TMPRSS4: variants seen among roughly 807,000 people sequenced by gnomAD.
TMPRSS4 encodes the protein transmembrane serine protease 4, also known as transmembrane protease serine 4.
A neutral mutation model predicts 56.4 loss-of-function variants in TMPRSS4; 45 were observed. The ratio of observed to expected loss-of-function variants is 0.80; its 90% CI spans 0.63 to 1.02. The LOEUF (loss-of-function observed/expected upper bound fraction) is 1.02, where lower values mean the gene tolerates loss of function less well. TMPRSS4 is among the 50% of genes least tolerant of loss of function. TMPRSS4 has a pLI of 0.00. For synonymous variants in TMPRSS4, 205 were observed against 211.0 expected, an observed-to-expected ratio of 0.97 and a Z score of 0.25; for missense variants, 546 against 556.7, an observed-to-expected ratio of 0.98 and a Z score of 0.19.
chr11:118,122,194 C>T (rs985351935), downstream of TMPRSS4, among the ~76,000 whole-genome samples: 1 of 152,050 alleles, frequency 6.6e-6, no homozygotes, highest in African/African-American at 2.4e-5. Flanking sequence ...TACTAATAAT[C>T]GCAATAAATA....
At chr11:118,103,381 T>TTTGTTTGTTTGTTTG in intron 4 of TMPRSS4, 128 bp downstream of exon 4, 2 of 1,075,070 alleles carry the variant, frequency 1.9e-6, no homozygotes, top group Admixed American at 5.7e-5. Flanking sequence ...AGGTTCTTTG[T>TTTGTTTGTTTGTTTG]TTGTTTGTTT....
intron 2 of TMPRSS4, among the ~76,000 whole-genome samples, chr11:118,095,706 G>A (rs1367407853): frequency 6.6e-6 from 1 of 152,170 alleles, no homozygotes; most frequent in African/African-American, 2.4e-5. Context: ...TGCAGAACTG[G>A]GGTTGGTGAA....
At chr11:118,115,762 G>A (rs1003066531) in intron 11 of TMPRSS4, among the ~76,000 whole-genome samples, 1 of 152,186 alleles carries the variant, frequency 6.6e-6, no homozygotes, top group African/African-American at 2.4e-5. Context: ...GGCAGAGGTT[G>A]CAGTAAGCTG....
intron 1 of TMPRSS4, among the ~76,000 whole-genome samples, chr11:118,089,834 TAC>T (rs1352670262): frequency 2.6e-5 from 4 of 152,166 alleles, no homozygotes; most frequent in Non-Finnish European, 4.4e-5. Context: ...CCCTTAATAT[TAC>T]ATTCTAATAT....
rs1947786549 is a variant in TMPRSS4, at chr11:118,121,357, C to G, written c.*3444C>G. 1 of 151,950 alleles carries G rather than the reference C, an allele frequency of 6.6e-6. No individual in the cohort carries two copies. Among genetic ancestry groups the G allele is most frequent in the Non-Finnish European group, 1.5e-5 (1 of 67,990 alleles). 9.4% of individuals were successfully genotyped at this position (151,950 alleles called of 1,614,324 possible). On this transcript the variant is annotated 3_prime_UTR_variant, in exon 13 of 13. Coordinates refer to ENST00000437212, the MANE Select transcript of TMPRSS4 (RefSeq NM_019894.4). ...CTGTCTACTTCTTCTTCTTCTTCTT[C>G]TTCTTCTTCTTCTTATTTTGAGACT... is the stretch of plus-strand genomic sequence containing the variant.
intron 11 of TMPRSS4, chr11:118,115,650 T>A (rs1353780204): frequency 5.1e-6 from 1 of 194,742 alleles, no homozygotes; most frequent in African/African-American, 2.3e-5. Flanking sequence ...TGAAATCCCA[T>A]CTCTACTAAA....
chr11:118,085,226 CTTTT>C (rs67063759), intron 1 of TMPRSS4, among the ~76,000 whole-genome samples: 2 of 141,854 alleles, frequency 1.4e-5, no homozygotes, highest in Non-Finnish European at 1.5e-5. Flanking sequence ...TCTTCTTCTT[CTTTT>C]TTTTTTTTTT....
intron 7 of TMPRSS4, among the ~76,000 whole-genome samples, 180 bp downstream of exon 7, chr11:118,109,076 C>T (rs975021810): frequency 6.6e-6 from 1 of 152,204 alleles, no homozygotes; most frequent in African/African-American, 2.4e-5. Context: ...AGGTCACATT[C>T]TTTTTCTGGG....
At chr11:118,097,041 A>G (rs200897504) in intron 2 of TMPRSS4, among the ~76,000 whole-genome samples, 1 of 77,890 alleles carries the variant, frequency 1.3e-5, no homozygotes, top group African/African-American at 5.9e-5. Flanking sequence ...AGAAAAGGAA[A>G]GAAAGGAAAG....
chr11:118,099,573 T>C (rs1012997905), intron 3 of TMPRSS4, among the ~76,000 whole-genome samples: 1 of 152,126 alleles, frequency 6.6e-6, no homozygotes, highest in Non-Finnish European at 1.5e-5. Context: ...TCAGCCCCCA[T>C]CTGTTCCAGA....
intron 7 of TMPRSS4, among the ~76,000 whole-genome samples, chr11:118,111,519 A>AAAAG (rs1049961390): frequency 6.6e-6 from 1 of 152,186 alleles, no homozygotes; most frequent in Non-Finnish European, 1.5e-5. Flanking sequence ...AAATAAAAAA[A>AAAAG]AAAGAAAGAA....
chr11:118,106,637 A>C (rs1947004303), intron 5 of TMPRSS4: 1 of 152,182 alleles, frequency 6.6e-6, no homozygotes, highest in Non-Finnish European at 1.5e-5. Flanking sequence ...GGCACGCACC[A>C]TCATGCCCAG....
At chr11:118,080,326 G>A (rs1277110764) in intron 1 of TMPRSS4, among the ~76,000 whole-genome samples, 2 of 152,190 alleles carry the variant, frequency 1.3e-5, no homozygotes. Flanking sequence ...CTGCATGTGT[G>A]AACAGCAAGA....
intron 3 of TMPRSS4, 58 bp from the exon 4 acceptor site, chr11:118,103,043 C>T: frequency 1.3e-6 from 2 of 1,593,308 alleles, no homozygotes; most frequent in Non-Finnish European, 1.7e-6. Context: ...AACCCAGCGT[C>T]TCCCTGCTCA....
intron 1 of TMPRSS4, among the ~76,000 whole-genome samples, chr11:118,082,191 C>A (rs1251533227): frequency 6.6e-6 from 1 of 152,222 alleles, no homozygotes; most frequent in Non-Finnish European, 1.5e-5. Flanking sequence ...CTTTGAGAAG[C>A]ACTTTCACAT....
chr11:118,096,894 AGAAAGAAAGAAAGAAAGG>A (rs1946351727), intron 2 of TMPRSS4, among the ~76,000 whole-genome samples: 1 of 55,688 alleles, frequency 1.8e-5, no homozygotes, highest in African/African-American at 7.4e-5. Flanking sequence ...AAAGAAAGAA[AGAAAGAAAGAAAGAAAGG>A]GAGAGAGAAA....
chr11:118,098,802 G>A (rs920214497), intron 2 of TMPRSS4, among the ~76,000 whole-genome samples, 183 bp from the exon 3 acceptor site: 3 of 152,156 alleles, frequency 2.0e-5, no homozygotes, highest in African/African-American at 7.2e-5. Context: ...GTAAGAAGAG[G>A]CAGGGTAACC....
intron 7 of TMPRSS4, 118 bp downstream of exon 7, chr11:118,109,014 A>G (rs1001447812): frequency 5.0e-6 from 6 of 1,199,680 alleles, no homozygotes; most frequent in East Asian, 2.4e-5. Context: ...CTTGGTCTAC[A>G]GCCCTTGGGC....
intron 1 of TMPRSS4, among the ~76,000 whole-genome samples, chr11:118,080,710 T>C (rs1432905517): frequency 6.6e-6 from 1 of 151,940 alleles, no homozygotes; most frequent in African/African-American, 2.4e-5. Context: ...GAGGGAGAGA[T>C]GAGAAAAACA....
Sources: allele counts gnomAD v4.1 joint callset (sites outside exome capture counted in the v4.1 genomes callset), GRCh38; gene constraint gnomAD v4.1.1; transcripts MANE v1.5; gene names NCBI Gene and HGNC (gene_info 2026-07-23, HGNC 2026-07-21).